Variants in FNBP1 observed in about 807,000 individuals in gnomAD.
The protein encoded by FNBP1 is formin binding protein 1.
A neutral mutation model predicts 90.6 loss-of-function variants in FNBP1; 26 were observed. The ratio of observed to expected loss-of-function variants is 0.29; its 90% confidence interval spans 0.21 to 0.40. FNBP1 has a LOEUF of 0.40. Ranked by LOEUF, FNBP1 falls within the 10% of genes least tolerant of loss-of-function variation. The pLI is 1.00. For synonymous variants in FNBP1, 260 were observed against 265.2 expected (o/e 0.98, Z 0.19); for missense variants, 635 against 768.0 (o/e 0.83, Z 2.05).
chr9:130,004,348 T>A (rs1388502779), intron 1 of FNBP1, among the ~76,000 whole-genome samples: 1 of 152,064 alleles, frequency 6.6e-6, no homozygotes, highest in Non-Finnish European at 1.5e-5. Context: ...TTGCTAAAAT[T>A]ACCTATGTAA....
intron 1 of FNBP1, among the ~76,000 whole-genome samples, chr9:130,002,124 G>A (rs1301561986): frequency 2.0e-5 from 3 of 151,556 alleles, no homozygotes; most frequent in Non-Finnish European, 4.4e-5. Context: ...AACCTGCGGA[G>A]GTTGCAGTGA....
chr9:129,951,551 C>T (rs928694731), intron 6 of FNBP1, among the ~76,000 whole-genome samples: 1 of 151,946 alleles, frequency 6.6e-6, no homozygotes, highest in African/African-American at 2.4e-5. Context: ...AAGTGATCCT[C>T]GCATTTCACC....
At chr9:130,019,744 A>G (rs1021958686) in intron 1 of FNBP1, among the ~76,000 whole-genome samples, 1 of 152,134 alleles carries the variant, frequency 6.6e-6, no homozygotes, top group African/African-American at 2.4e-5. Flanking sequence ...TATTTTATTT[A>G]CTTATTTATT....
chr9:129,899,908 A>T (rs2036582057), intron 15 of FNBP1, 57 bp downstream of exon 15: 1 of 1,395,762 alleles, frequency 7.2e-7, no homozygotes, highest in Non-Finnish European at 9.5e-7. Flanking sequence ...AAAGAAGAGT[A>T]ACTCAGATAT....
rs944791310 is a variant in FNBP1 at position 129,902,577 on chromosome 9, G to C, written c.1428+292C>G. Among the ~76,000 whole-genome samples, 5 of 152,246 alleles carry C rather than the reference G, an allele frequency of 3.3e-5. No homozygotes were observed. The East Asian group carries it at 9.6e-4, about 29-fold the overall frequency. The stretch of plus-strand genomic sequence containing the variant: ...ACTGTACTCCAGCCTGGGCAACAAA[G>C]CAAAATCCTGTCTCTAAAATTAAAA... On this transcript the variant is annotated intron_variant, in intron 13 of 16. Transcript: ENST00000446176.
intron 2 of FNBP1, among the ~76,000 whole-genome samples, chr9:129,988,192 A>G (rs929537125): frequency 1.3e-5 from 2 of 152,088 alleles, no homozygotes; most frequent in Admixed American, 1.3e-4. Flanking sequence ...GTCATGGGCC[A>G]TAGTTTCTGG....
chr9:129,960,641 G>A (rs1588894738), intron 4 of FNBP1, among the ~76,000 whole-genome samples: 1 of 152,212 alleles, frequency 6.6e-6, no homozygotes, highest in East Asian at 1.9e-4. Context: ...GAAAGAGGGA[G>A]TTGTATAGGG....
chr9:130,019,703 A>AT (rs1435495364), intron 1 of FNBP1, among the ~76,000 whole-genome samples: 2 of 151,876 alleles, frequency 1.3e-5, no homozygotes, highest in Non-Finnish European at 2.9e-5. Flanking sequence ...GAGAAACCTC[A>AT]TTTTTTTCAA....
chr9:130,007,239 CAAAAA>C (rs72063140), intron 1 of FNBP1, among the ~76,000 whole-genome samples: 47 of 77,024 alleles, frequency 6.1e-4, no homozygotes, highest in Admixed American at 1.4e-3. Flanking sequence ...GAGATCCTGT[CAAAAA>C]AAAAAAAAAA....
intron 2 of FNBP1, among the ~76,000 whole-genome samples, chr9:129,990,761 T>C (rs1395281473): frequency 1.3e-5 from 2 of 152,004 alleles, no homozygotes; most frequent in Non-Finnish European, 2.9e-5. Context: ...AGGCAAAAGA[T>C]CATGGACCAC....
At chr9:130,038,399 C>CTTTT (rs796531911) in intron 1 of FNBP1, among the ~76,000 whole-genome samples, 3 of 108,544 alleles carry the variant, frequency 2.8e-5, no homozygotes, top group Non-Finnish European at 3.7e-5. Context: ...ACAGGTGGCT[C>CTTTT]TTTTTTTTTT....
At chr9:130,046,421 T>G (rs1389688220), upstream of FNBP1, among the ~76,000 whole-genome samples, 1 of 151,814 alleles carries the variant, frequency 6.6e-6, no homozygotes, top group Non-Finnish European at 1.5e-5. Context: ...AACTTCCAGA[T>G]AGCTAAACAC....
chr9:129,919,121 C>T, intron 10 of FNBP1: 2 of 964,804 alleles, frequency 2.1e-6, no homozygotes, highest in Non-Finnish European at 1.4e-6. Flanking sequence ...AGTGGCTGTG[C>T]CATGACTGTA....
At chr9:130,022,967 C>A (rs2057990463) in intron 1 of FNBP1, among the ~76,000 whole-genome samples, 1 of 151,952 alleles carries the variant, frequency 6.6e-6, no homozygotes, top group Non-Finnish European at 1.5e-5. Context: ...GGCAACAAAG[C>A]AAGACCCTGT....
Position 130,042,668 on chromosome 9 carries a change from CGCTCCGGG to C in FNBP1, c.24+276_24+283del, listed in dbSNP as rs1169123368. Among the ~76,000 whole-genome samples, 1 of 151,688 alleles carries C rather than the reference CGCTCCGGG, an allele frequency of 6.6e-6. No homozygotes were observed. The highest frequency in any genetic ancestry group is 1.5e-5 in the Non-Finnish European group (1 of 67,850). The stretch of plus-strand genomic sequence containing the variant: ...AGGGCTCGGCCCGACACACACGGCC[CGCTCCGGG>C]GCGCCGGGGACAGGGAGGCCCGCCC... On this transcript the variant is annotated intron_variant, in intron 1 of 16. Coordinates refer to ENST00000446176, the MANE Select transcript of FNBP1 (RefSeq NM_015033.3). The surrounding 1 kb of genome is among the most constrained non-coding windows in gnomAD (Gnocchi z 5.5).
At position 129,888,340 on chromosome 9, in the gene FNBP1, T is replaced by C. The variant is rs559531067; in HGVS notation, c.*2199A>G. 50 of 232,498 alleles carry C rather than the reference T, an allele frequency of 2.2e-4. No homozygotes were observed. The highest frequency in any genetic ancestry group is 9.2e-4 in the African/African-American group (42 of 45,412). The allele number at this position is 232,498 out of a possible 1,614,324, so 14.4% of individuals were successfully genotyped here. On this transcript the variant is annotated 3_prime_UTR_variant, in exon 17 of 17. Coordinates refer to ENST00000446176, the MANE Select transcript of FNBP1 (RefSeq NM_015033.3). ...GTGGAGAGTGGTCCACTTGACTTGG[T>C]GAGGTCAGAAGTTCCTGAAGATCCC... is the stretch of plus-strand genomic sequence containing the variant.
chr9:129,943,606 C>T (rs1028984932), intron 6 of FNBP1, among the ~76,000 whole-genome samples: 4 of 151,984 alleles, frequency 2.6e-5, no homozygotes, highest in African/African-American at 4.8e-5. Context: ...AGGCTGGTCT[C>T]GAACTCCTGA....
chr9:129,929,807 C>A, intron 6 of FNBP1, 112 bp from the exon 7 acceptor site: 1 of 937,808 alleles, frequency 1.1e-6, no homozygotes, highest in East Asian at 2.6e-5. Context: ...CCAGATTTAC[C>A]TCAAATGTAT....
chr9:129,909,630 T>C (rs553740011), intron 11 of FNBP1, among the ~76,000 whole-genome samples: 1 of 152,240 alleles, frequency 6.6e-6, no homozygotes, highest in South Asian at 2.1e-4. Context: ...TAGTTACTTT[T>C]TTTTTTTCCT....
Sources: gnomAD v4.1 joint callset for allele counts (sites outside exome capture counted in the v4.1 genomes callset) on GRCh38, gnomAD v4.1.1 for gene constraint, Gnocchi (gnomAD v3.1) non-coding constraint, MANE v1.5 for transcripts, NCBI Gene and HGNC (gene_info 2026-07-23, HGNC 2026-07-21) for gene names.